Variants in ITSN1 observed in about 807,000 individuals in gnomAD.
ITSN1 encodes the protein intersectin-1.
A neutral mutation model predicts 239.8 loss-of-function variants in ITSN1; 58 were observed. The observed-to-expected ratio is 0.24, with a 90% confidence interval of 0.20 to 0.30. ITSN1 has a LOEUF of 0.30. Ranked by LOEUF, ITSN1 falls within the 10% of genes least tolerant of loss-of-function variation. The pLI is 1.00. For synonymous variants in ITSN1, 780 were observed against 770.8 expected (o/e 1.01, Z -0.20); for missense variants, 1,558 against 2,103.3 (o/e 0.74, Z 5.07).
intron 16 of ITSN1, among the ~76,000 whole-genome samples, chr21:33,785,791 T>C (rs2070619110): frequency 1.3e-5 from 2 of 152,234 alleles, no homozygotes; most frequent in Admixed American, 1.3e-4. Flanking sequence ...GAAGGCTCAT[T>C]TTTTGTTTTC....
chr21:33,874,156 CAAAAAAAA>C (rs778588764), intron 33 of ITSN1, among the ~76,000 whole-genome samples: 2 of 29,202 alleles, frequency 6.8e-5, no homozygotes, highest in African/African-American at 2.3e-4. Context: ...AACTCCGTCT[CAAAAAAAA>C]AAAAAAAAAA....
At chr21:33,654,985 A>G (rs1274861031) in intron 1 of ITSN1, among the ~76,000 whole-genome samples, 1 of 149,354 alleles carries the variant, frequency 6.7e-6, no homozygotes, top group African/African-American at 2.5e-5. Flanking sequence ...CATTCTTACC[A>G]CAATATTCTT....
chr21:33,875,593 G>T, intron 34 of ITSN1, 72 bp downstream of exon 34: 8 of 1,450,822 alleles, frequency 5.5e-6, no homozygotes, highest in Non-Finnish European at 7.5e-6. Flanking sequence ...GGAGGACAAA[G>T]AAAAGCATGA....
At chr21:33,815,995 A>G (rs905531473) in intron 22 of ITSN1, among the ~76,000 whole-genome samples, 8 of 152,090 alleles carry the variant, frequency 5.3e-5, no homozygotes, top group African/African-American at 1.9e-4. Context: ...CAGCCTGGCC[A>G]ACGTGGTGAA....
At chr21:33,832,080 C>G (rs867770276) in intron 27 of ITSN1, among the ~76,000 whole-genome samples, 36 of 152,168 alleles carry the variant, frequency 2.4e-4, no homozygotes, top group African/African-American at 8.0e-4. Flanking sequence ...GGGCCCCTCT[C>G]CCCGGTGCAG....
chr21:33,885,343 C>T (rs773675700), intron 37 of ITSN1, 96 bp from the exon 38 acceptor site: 47 of 1,217,478 alleles, frequency 3.9e-5, no homozygotes, highest in Middle Eastern at 3.8e-4. Context: ...ACTTTTGAGT[C>T]GGGAGAGGTA....
In ITSN1 at chr21:33,705,871, A is replaced by G. The variant is rs553745360; in HGVS notation, c.-32-12926A>G. On this transcript the variant is annotated intron_variant, in intron 1 of 39. Coordinates refer to ENST00000381318, the MANE Select transcript of ITSN1 (RefSeq NM_003024.3). ...CATTCTAAATTGATGTTTCATTTTG[A>G]CTATATATTTAGTGAGTTATGGCAG... Among the ~76,000 whole-genome samples the G allele has an allele frequency of 2.7e-4, 41 of 152,272 alleles. No homozygotes were observed. In the South Asian group the frequency reaches 8.1e-3, roughly 30 times the overall value.
chr21:33,680,335 C>CTTTTTTCT (rs2090869467), intron 1 of ITSN1, among the ~76,000 whole-genome samples: 3 of 138,578 alleles, frequency 2.2e-5, no homozygotes, highest in African/African-American at 7.9e-5. Context: ...TTTCTTTTTT[C>CTTTTTTCT]TTTTTTTTTT....
chr21:33,822,766 T>C (rs16990894), intron 24 of ITSN1, among the ~76,000 whole-genome samples: 4,171 of 152,360 alleles, frequency 0.027, 137 homozygotes, highest in African/African-American at 0.08. Context: ...TTTTAACTTG[T>C]TGAAAGGCTT....
At position 33,763,444 on chromosome 21, in the gene ITSN1, A is replaced by C. The variant is rs370140621; in HGVS notation, c.788+1458A>C. ...CCCGATAAATCTTTGTTGTTGGGGG[A>C]TGTCCTGTATACTGTAGGATGTTCA... On this transcript the variant is annotated intron_variant, in intron 9 of 39. Coordinates refer to ENST00000381318, the MANE Select transcript of ITSN1 (RefSeq NM_003024.3). Among the ~76,000 whole-genome samples the C allele has an allele frequency of 7.2e-5, 11 of 152,016 alleles. No individual in the cohort carries two copies. In the East Asian group the frequency reaches 9.7e-4, roughly 13 times the overall value.
At chr21:33,835,892 C>G (rs1375105921) in intron 28 of ITSN1, among the ~76,000 whole-genome samples, 3 of 152,206 alleles carry the variant, frequency 2.0e-5, no homozygotes, top group Non-Finnish European at 4.4e-5. Context: ...GATCGTGCCA[C>G]TGCACTCCAG....
At chr21:33,669,776 C>T (rs143753151) in intron 1 of ITSN1, among the ~76,000 whole-genome samples, 9 of 151,832 alleles carry the variant, frequency 5.9e-5, no homozygotes, top group African/African-American at 9.7e-5. Flanking sequence ...GGGTAGAAAA[C>T]GTCTTAATTT....
chr21:33,807,423 C>T (rs1251153460), intron 20 of ITSN1, among the ~76,000 whole-genome samples: 16 of 152,188 alleles, frequency 1.1e-4, no homozygotes, highest in Non-Finnish European at 1.8e-4. Context: ...CTGCAACCTC[C>T]GCCTCCCGGG....
intron 1 of ITSN1, among the ~76,000 whole-genome samples, chr21:33,646,060 C>A (rs1326366654): frequency 6.6e-6 from 1 of 151,594 alleles, no homozygotes; most frequent in African/African-American, 2.4e-5. Flanking sequence ...TGCAGCGAGG[C>A]CAATCTTTTA....
chr21:33,667,515 A>T (rs951167556), intron 1 of ITSN1, among the ~76,000 whole-genome samples: 1 of 152,214 alleles, frequency 6.6e-6, no homozygotes, highest in Admixed American at 6.5e-5. Flanking sequence ...AGAGGTTACT[A>T]GATTTGGAAC....
intron 16 of ITSN1, among the ~76,000 whole-genome samples, chr21:33,792,154 A>G (rs1172224960): frequency 6.6e-6 from 1 of 152,210 alleles, no homozygotes. Context: ...AGCTCATATC[A>G]GGGACCTGAG....
chr21:33,831,005 T>C (rs1016559527), intron 27 of ITSN1, among the ~76,000 whole-genome samples: 4 of 152,150 alleles, frequency 2.6e-5, no homozygotes, highest in African/African-American at 9.7e-5. Flanking sequence ...TGTGTGCTTT[T>C]CTTATTCTTG....
chr21:33,758,978 T>C (rs2147605213), intron 8 of ITSN1, among the ~76,000 whole-genome samples: 1 of 152,350 alleles, frequency 6.6e-6, no homozygotes, highest in South Asian at 2.1e-4. Flanking sequence ...TGCTGATCTA[T>C]TTTTAATATT....
chr21:33,808,955 C>T (rs1313342005), intron 20 of ITSN1, among the ~76,000 whole-genome samples: 5 of 152,152 alleles, frequency 3.3e-5, no homozygotes, highest in Non-Finnish European at 5.9e-5. Context: ...CAGGACCTGG[C>T]TTGGATAGAG....
Sources: allele counts gnomAD v4.1 joint callset (sites outside exome capture counted in the v4.1 genomes callset), GRCh38; gene constraint gnomAD v4.1.1; transcripts MANE v1.5; gene names NCBI Gene and HGNC (gene_info 2026-07-23, HGNC 2026-07-21).